Variants in PLGRKT observed in about 807,000 individuals in gnomAD.
PLGRKT encodes the protein plasminogen receptor with a C-terminal lysine.
Under a neutral mutation model 18.5 loss-of-function variants are expected in PLGRKT, and 22 were observed. The ratio of observed to expected loss-of-function variants is 1.19; its 90% confidence interval spans 0.85 to 1.70. The LOEUF (loss-of-function observed/expected upper bound fraction) is 1.70. Ranked by LOEUF, PLGRKT falls within the 40% of genes most tolerant of loss-of-function variation. The pLI is 0.00. For synonymous variants in PLGRKT, 72 were observed against 52.8 expected, an observed-to-expected ratio of 1.36 and a Z score of -1.58; for missense variants, 235 against 174.4, an observed-to-expected ratio of 1.35 and a Z score of -1.96.
chr9:5,414,359 G>C lies in PLGRKT; in HGVS notation c.81+17538C>G, dbSNP rs192175712. 5.1e-4 allele frequency among the ~76,000 whole-genome samples: 78 copies of C among 152,182 alleles called. 1 individual carries two copies. The highest frequency in any genetic ancestry group is 5.0e-3 in the Admixed American group (77 of 15,288). On this transcript the variant is annotated intron_variant, in intron 3 of 5. Transcript: ENST00000223864. ...TTTTTGTATTTTTAGTAGAGACGGAGGTTTCACCATGTTGGGCAGGCTGGT... is the reference window on the plus strand; with the variant it reads ...TTTTTGTATTTTTAGTAGAGACGGACGTTTCACCATGTTGGGCAGGCTGGT...
intron 3 of PLGRKT, among the ~76,000 whole-genome samples, chr9:5,387,664 T>C (rs548591315): frequency 2.3e-4 from 30 of 130,202 alleles, no homozygotes; most frequent in African/African-American, 8.4e-4. Flanking sequence ...GGAGGAAGCC[T>C]CCTGCGGGGG....
intron 3 of PLGRKT, among the ~76,000 whole-genome samples, chr9:5,403,853 T>C (rs1323608217): frequency 1.3e-5 from 2 of 152,228 alleles, no homozygotes; most frequent in Non-Finnish European, 2.9e-5. Flanking sequence ...CTATGGCCTC[T>C]GCCTGTTCAT....
intron 3 of PLGRKT, among the ~76,000 whole-genome samples, chr9:5,370,715 A>G (rs544704218): frequency 6.6e-6 from 1 of 152,354 alleles, no homozygotes; most frequent in South Asian, 2.1e-4. Context: ...GCCTTTGTTA[A>G]CTTAATAGAA....
At chr9:5,367,020 TACACACACATACACACAC>T (rs774790525) in intron 3 of PLGRKT, among the ~76,000 whole-genome samples, 2,425 of 58,200 alleles carry the variant, frequency 0.042, 35 homozygotes, top group Non-Finnish European at 0.055. Flanking sequence ...GACAGACAGA[TACACACACATACACACAC>T]ACACACACAC....
intron 5 of PLGRKT, among the ~76,000 whole-genome samples, chr9:5,360,867 C>T: frequency 6.6e-6 from 1 of 152,214 alleles, no homozygotes; most frequent in East Asian, 1.9e-4. Flanking sequence ...CCAGCTTACA[C>T]AATCCCTGAA....
intron 3 of PLGRKT, among the ~76,000 whole-genome samples, chr9:5,407,897 T>C (rs73397129): frequency 0.03 from 4,519 of 152,296 alleles, 252 homozygotes; most frequent in African/African-American, 0.1. Context: ...TGTGTCTGTG[T>C]GTGTATGACT....
intron 3 of PLGRKT, among the ~76,000 whole-genome samples, chr9:5,375,203 T>A (rs1049001024): frequency 1.3e-5 from 2 of 152,244 alleles, no homozygotes; most frequent in East Asian, 1.9e-4. Flanking sequence ...ATGAGTTGTT[T>A]AGTCACACTG....
intron 3 of PLGRKT, among the ~76,000 whole-genome samples, chr9:5,376,407 ATCTC>A (rs1817628897): frequency 6.6e-6 from 1 of 152,282 alleles, no homozygotes; most frequent in African/African-American, 2.4e-5. Flanking sequence ...AGGTCCCTTA[ATCTC>A]TCTGTTTCCT....
chr9:5,435,296 A>C lies in PLGRKT; in HGVS notation c.-7+1273T>G, dbSNP rs141792728. On this transcript the variant is annotated intron_variant, in intron 2 of 5. Transcript: ENST00000223864. ...CCTGCCACATCCCCCTCTCTAAGAA[A>C]CACCCAAGAATGATCAATAAATACT... 2.7e-3 allele frequency among the ~76,000 whole-genome samples: 390 copies of C among 145,602 alleles called. 4 individuals are homozygous for C. The highest frequency in any genetic ancestry group is 9.7e-3 in the African/African-American group (381 of 39,388).
rs137963370 is a variant in PLGRKT at position 5,412,769 on chromosome 9, C to A, written c.81+19128G>T. Among the ~76,000 whole-genome samples, 169 of 152,192 alleles carry A rather than the reference C, an allele frequency of 1.1e-3. 1 individual carries two copies. The highest frequency in any genetic ancestry group is 3.4e-3 in the African/African-American group (142 of 41,538). The stretch of plus-strand genomic sequence containing the variant: ...AGTAAATAAAATATTGGTAACTTGA[C>A]CACATAAAACTAAACTTTTTTTCAT... On this transcript the variant is annotated intron_variant, in intron 3 of 5. Coordinates refer to ENST00000223864, the MANE Select transcript of PLGRKT (RefSeq NM_018465.4).
At position 5,418,431 on chromosome 9, in the gene PLGRKT, G is replaced by A. The variant is rs748897346; in HGVS notation, c.81+13466C>T. On this transcript the variant is annotated intron_variant, in intron 3 of 5. Transcript: ENST00000223864. This position sits in a 1 kb window ranked among gnomAD's most constrained non-coding sequence, Gnocchi z 4.2. ...AGGACATGTTATGGAGCACGATGCTGAGGAGGAAGACCAAGACGCAAGCCA... is the reference window on the plus strand; with the variant it reads ...AGGACATGTTATGGAGCACGATGCTAAGGAGGAAGACCAAGACGCAAGCCA... The A allele has an allele frequency of 7.7e-6, 7 of 910,032 alleles. No individual in the cohort carries two copies. Among genetic ancestry groups the A allele is most frequent in the Admixed American group, 3.5e-5 (2 of 57,636 alleles). The allele number at this position is 910,032 out of a possible 1,614,324, so 56.4% of individuals were successfully genotyped here.
chr9:5,404,440 G>T (rs1818217752), intron 3 of PLGRKT, among the ~76,000 whole-genome samples: 1 of 152,134 alleles, frequency 6.6e-6, no homozygotes. Context: ...AATCAAGATG[G>T]CTTTATCCCC....
intron 3 of PLGRKT, among the ~76,000 whole-genome samples, chr9:5,386,027 G>T (rs147357177): frequency 1.3e-5 from 2 of 151,766 alleles, no homozygotes; most frequent in Non-Finnish European, 2.9e-5. Context: ...GCCATATCTA[G>T]TATCTCCTGG....
intron 3 of PLGRKT, among the ~76,000 whole-genome samples, chr9:5,374,393 G>A (rs1162249900): frequency 2.0e-5 from 3 of 152,146 alleles, no homozygotes; most frequent in Admixed American, 6.5e-5. Flanking sequence ...GCTTAAAAAT[G>A]TTCAGTGGTT....
intron 5 of PLGRKT, among the ~76,000 whole-genome samples, chr9:5,359,068 T>TA (rs1563763305): frequency 7.4e-6 from 1 of 134,476 alleles, no homozygotes; most frequent in Non-Finnish European, 1.5e-5. Context: ...TATTTTATTT[T>TA]TTTTTTTTTT....
intron 3 of PLGRKT, among the ~76,000 whole-genome samples, chr9:5,374,988 G>A (rs1004470344): frequency 1.3e-5 from 2 of 152,048 alleles, no homozygotes; most frequent in Non-Finnish European, 2.9e-5. Flanking sequence ...TCTTAGATTT[G>A]TTACTATTTA....
At chr9:5,392,692 T>C (rs1817972397) in intron 3 of PLGRKT, 1 of 151,912 alleles carries the variant, frequency 6.6e-6, no homozygotes, top group Non-Finnish European at 1.5e-5. Flanking sequence ...TACTGGGTGA[T>C]CATAAAATAA....
At chr9:5,413,306 G>C (rs573420341) in intron 3 of PLGRKT, among the ~76,000 whole-genome samples, 38 of 152,282 alleles carry the variant, frequency 2.5e-4, no homozygotes, top group Non-Finnish European at 4.7e-4. Context: ...AATAACCTAA[G>C]TACCTGGGGT....
At chr9:5,404,236 A>AG (rs1483999104) in intron 3 of PLGRKT, among the ~76,000 whole-genome samples, 31 of 152,184 alleles carry the variant, frequency 2.0e-4, no homozygotes, top group Non-Finnish European at 1.5e-4. Context: ...AATGATTCCA[A>AG]ACAATTGAAA....
Sources: allele counts gnomAD v4.1 joint callset (sites outside exome capture counted in the v4.1 genomes callset), GRCh38; gene constraint gnomAD v4.1.1; non-coding constraint Gnocchi (gnomAD v3.1); transcripts MANE v1.5; gene names NCBI Gene and HGNC (gene_info 2026-07-23, HGNC 2026-07-21).